GOLGA8H: variants seen among roughly 807,000 people sequenced by gnomAD.
The protein encoded by GOLGA8H is golgin A8 family member H.
In GOLGA8H, 47 loss-of-function variants were observed where a neutral mutation model predicts 82.7. That is an observed-to-expected ratio of 0.57 (90% confidence interval 0.45 to 0.73). The LOEUF is 0.73. Among genes scored for constraint, GOLGA8H ranks in the 30% least tolerant of loss-of-function variants. The probability of loss-of-function intolerance (pLI) is 0.00; values close to 1 mark genes in which losing one functional copy is unlikely to be tolerated. For missense variants in GOLGA8H, 372 were observed against 661.0 expected, an observed-to-expected ratio of 0.56 and a Z score of 4.79; for synonymous variants, 108 against 241.6, an observed-to-expected ratio of 0.45 and a Z score of 5.13.
chr15:30,604,675 CGACTTGGACATGGTGCT>C (rs1567479782), intron 1 of GOLGA8H, among the ~76,000 whole-genome samples: 1 of 57,286 alleles, frequency 1.7e-5, no homozygotes, highest in Non-Finnish European at 3.5e-5. Context: ...CGTGGAGCAG[CGACTTGGACATGGTGCT>C]GACATGGTCC....
rs1379098783 is a variant in GOLGA8H at position 30,604,188 on chromosome 15, G to A, written c.48+15G>A. On this transcript the variant is annotated intron_variant, in intron 1 of 18. Transcript: ENST00000566740. ...CCAAGAAAAAGGTAAAAACGCACTA[G>A]GTCATAGACCCTCAACCCAGCCACA... The A allele has an allele frequency of 2.5e-6, 3 of 1,212,150 alleles. No individual in the cohort carries two copies. Among genetic ancestry groups the A allele is most frequent in the South Asian group, 2.6e-5 (2 of 76,582 alleles). The allele number at this position is 1,212,150 out of a possible 1,614,324, so 75.1% of individuals were successfully genotyped here. A position where few individuals can be genotyped will look rare whatever the true frequency, so the allele number is the denominator to read the frequency against.
At position 30,609,893 on chromosome 15, in the gene GOLGA8H, G is replaced by A. The variant is rs760568168; in HGVS notation, c.678+1G>A. The stretch of plus-strand genomic sequence containing the variant: ...ACTACTGAAAGTGCAGCTGACACAG[G>A]TGAGGTTTTCTGAGGGAGTTATGTG... On this transcript the variant is annotated splice_donor_variant, in intron 9 of 18. Coordinates refer to ENST00000566740, the MANE Select transcript of GOLGA8H (RefSeq NM_001282490.2). LOFTEE classifies it high-confidence loss of function. The A allele has an allele frequency of 1.7e-5, 27 of 1,587,706 alleles. 2 individuals carry two copies. Among genetic ancestry groups the A allele is most frequent in the Admixed American group, 1.2e-4 (7 of 59,378 alleles).
At position 30,608,567 on chromosome 15, in the gene GOLGA8H, C is replaced by G. The variant is rs1173290847; in HGVS notation, c.481+16C>G. ...TACTTTGAAGGTGGGAATCTGGGCA[C>G]CCTGTCATCCTTCAACCTGGCACTT... On this transcript the variant is annotated intron_variant, in intron 7 of 18. Coordinates refer to ENST00000566740, the MANE Select transcript of GOLGA8H (RefSeq NM_001282490.2). 1 of 1,607,800 alleles carries G rather than the reference C, an allele frequency of 6.2e-7. No individual in the cohort carries two copies. Among genetic ancestry groups the G allele is most frequent in the Non-Finnish European group, 8.5e-7 (1 of 1,178,266 alleles).
In GOLGA8H at chr15:30,605,950, G is replaced by A. The variant is rs765754824; in HGVS notation, c.156G>A (p.Gln52=). The change falls in exon 2 of 19, where the codon CAG becomes CAA. Residue 52 remains glutamine, a synonymous_variant. Transcript: ENST00000566740. ...VPEKATSGGC[Q]PPGDSATGFH... is the part of the protein sequence containing the mutation. ...AGAAAGCCACTTCTGGTGGTTGCCA[G>A]CCACCTGGGGATGTGAGTCTTGGCT... 7 of 1,596,388 alleles carry A rather than the reference G, an allele frequency of 4.4e-6. No individual in the cohort carries two copies. In the African/African-American group the frequency reaches 5.4e-5, roughly 12 times the overall value.
chr15:30,610,109 G>A lies in GOLGA8H; in HGVS notation c.786+3G>A, dbSNP rs764497480. On this transcript the variant is annotated splice_donor_region_variant and intron_variant, in intron 10 of 18. Coordinates refer to ENST00000566740, the MANE Select transcript of GOLGA8H (RefSeq NM_001282490.2). ...GGATGAGAAAAATGTCGCAGGAGGTGAGATCTCACCCTTCAGCCCCCCCAC... is the reference window on the plus strand; with the variant it reads ...GGATGAGAAAAATGTCGCAGGAGGTAAGATCTCACCCTTCAGCCCCCCCAC... 1.9e-6 allele frequency: 3 copies of A among 1,610,814 alleles called. No individual in the cohort carries two copies. The highest frequency in any genetic ancestry group is 2.2e-5 in the East Asian group (1 of 44,766).
chr15:30,610,641 T>G, intron 11 of GOLGA8H, 125 bp from the exon 12 acceptor site: 1 of 1,395,598 alleles, frequency 7.2e-7, no homozygotes, highest in Non-Finnish European at 9.7e-7. Context: ...CTGGCTACCA[T>G]CTGGGTGCGA....
chr15:30,611,481 C>G, intron 13 of GOLGA8H, 135 bp downstream of exon 13: 5 of 1,533,374 alleles, frequency 3.3e-6, no homozygotes, highest in Non-Finnish European at 4.4e-6. Context: ...GCAGGGCAGT[C>G]CTGTGACTGT....
At position 30,607,693 on chromosome 15, in the gene GOLGA8H, A is replaced by G. The variant is rs527764816; in HGVS notation, c.310-337A>G. 1.2e-4 allele frequency: 66 copies of G among 571,194 alleles called. No individual in the cohort carries two copies. In the East Asian group the frequency reaches 1.7e-3, roughly 15 times the overall value. 35.4% of individuals were successfully genotyped at this position (571,194 alleles called of 1,614,324 possible). ...GTAAAGAACCGTACCTGGTCCATAC[A>G]TGCTCAGTAAATGTTTATTGAATGA... On this transcript the variant is annotated intron_variant, in intron 4 of 18. Transcript: ENST00000566740.
At chr15:30,609,754 G>A in intron 8 of GOLGA8H, 52 bp from the exon 9 acceptor site, 2 of 1,569,124 alleles carry the variant, frequency 1.3e-6, no homozygotes, top group East Asian at 2.3e-5. Flanking sequence ...GGGGCACTGT[G>A]TGGAAATGCC....
chr15:30,615,401 G>C lies in GOLGA8H; in HGVS notation c.*840G>C, dbSNP rs931885291. ...AAGGGCTTATTTCTGAGGAATGAAA[G>C]GTTCCCATCATTGACTGTGGATGTG... On this transcript the variant is annotated 3_prime_UTR_variant, in exon 19 of 19. Transcript: ENST00000566740. 6.6e-6 allele frequency among the ~76,000 whole-genome samples: 1 copy of C among 151,954 alleles called. No individual in the cohort carries two copies. Among genetic ancestry groups the C allele is most frequent in the Non-Finnish European group, 1.5e-5 (1 of 67,956 alleles).
Position 30,614,241 on chromosome 15 carries a change from GATGAGCCCGGTCCA to G in GOLGA8H, c.1664_1677del (p.Asp555GlyfsTer16). 2 of 1,528,678 alleles carry G rather than the reference GATGAGCCCGGTCCA, an allele frequency of 1.3e-6. No homozygotes were observed. Among genetic ancestry groups the G allele is most frequent in the African/African-American group, 2.8e-5 (2 of 72,496 alleles). 94.7% of individuals were successfully genotyped at this position (1,528,678 alleles called of 1,614,324 possible). On this transcript the variant is annotated frameshift_variant, in exon 18 of 19. Coordinates refer to ENST00000566740, the MANE Select transcript of GOLGA8H (RefSeq NM_001282490.2). LOFTEE classifies it high-confidence loss of function. ...CCTGGCCGCTGCCCACAACTCTGCT[GATGAGCCCGGTCCA>G]GGAGCCCCAGCCCCCCAGGAGCTTG...
Position 30,610,132 on chromosome 15 carries a change from C to G in GOLGA8H, c.786+26C>G, listed in dbSNP as rs770878001. ...GTGAGATCTCACCCTTCAGCCCCCC[C>G]ACATTAGATAGGTCACTGGATCTTT... On this transcript the variant is annotated intron_variant, in intron 10 of 18. Coordinates refer to ENST00000566740, the MANE Select transcript of GOLGA8H (RefSeq NM_001282490.2). 163 of 1,499,430 alleles carry G rather than the reference C, an allele frequency of 1.1e-4. 1 individual carries two copies. Among genetic ancestry groups the G allele is most frequent in the Non-Finnish European group, 1.5e-4 (158 of 1,084,046 alleles). The allele number at this position is 1,499,430 out of a possible 1,614,324, so 92.9% of individuals were successfully genotyped here.
chr15:30,605,172 AC>A (rs1228884976), intron 1 of GOLGA8H, among the ~76,000 whole-genome samples: 2 of 135,848 alleles, frequency 1.5e-5, no homozygotes, highest in African/African-American at 5.7e-5. Context: ...ATCTTGGGAA[AC>A]TGAACTTGAC....
Position 30,615,458 on chromosome 15 carries a change from C to G in GOLGA8H, c.*897C>G, listed in dbSNP as rs1295380117. Reference sequence around the variant, plus strand: ...CTTTCCTAGCTTAGAGCATTTGTATCTACAATACATTTTAAAGTCAGAGTT... The same window carrying G: ...CTTTCCTAGCTTAGAGCATTTGTATGTACAATACATTTTAAAGTCAGAGTT... On this transcript the variant is annotated 3_prime_UTR_variant, in exon 19 of 19. Coordinates refer to ENST00000566740, the MANE Select transcript of GOLGA8H (RefSeq NM_001282490.2). Among the ~76,000 whole-genome samples, 2 of 151,730 alleles carry G rather than the reference C, an allele frequency of 1.3e-5. No homozygotes were observed. Among genetic ancestry groups the G allele is most frequent in the Admixed American group, 1.3e-4 (2 of 15,212 alleles).
Position 30,608,475 on chromosome 15 carries a change from C to G in GOLGA8H, c.405C>G (p.Ile135Met), listed in dbSNP as rs548314086. 2.1e-4 allele frequency: 344 copies of G among 1,610,436 alleles called. 6 individuals are homozygous for G. In the South Asian group the frequency reaches 2.7e-3, roughly 13 times the overall value. ...QKAKRVLEVQ[I>M]QTLNIQKGKL... ...TGGCTTTTCTCCCAAAGGTTCAAAT[C>G]CAGACATTGAACATACAGAAAGGGA... The change falls in exon 7 of 19, where the codon ATC (isoleucine) becomes ATG (methionine). Residue 135 changes from isoleucine to methionine, a missense_variant. Ile to Met is a conservative substitution (Grantham distance 10). Coordinates refer to ENST00000566740, the MANE Select transcript of GOLGA8H (RefSeq NM_001282490.2).
At chr15:30,606,017 G>A in intron 2 of GOLGA8H, 55 bp downstream of exon 2, 2 of 1,560,742 alleles carry the variant, frequency 1.3e-6, no homozygotes, top group South Asian at 2.3e-5. Context: ...GGCAATAGAG[G>A]GTAATTCTTA....
chr15:30,612,010 C>T lies in GOLGA8H; in HGVS notation c.1201-587C>T, dbSNP rs1391374971. ...TCAAGTACTTTGCATCTCTAAGTCTCTGTTTCTTTAACTTCAAAGGGAAGT... is the reference window on the plus strand; with the variant it reads ...TCAAGTACTTTGCATCTCTAAGTCTTTGTTTCTTTAACTTCAAAGGGAAGT... On this transcript the variant is annotated intron_variant, in intron 13 of 18. Transcript: ENST00000566740. Among the ~76,000 whole-genome samples the T allele has an allele frequency of 2.2e-5, 2 of 89,188 alleles. 1 individual carries two copies. Among genetic ancestry groups the T allele is most frequent in the Non-Finnish European group, 4.4e-5 (2 of 45,314 alleles). 58.5% of individuals were successfully genotyped at this position (89,188 alleles called of 152,430 possible). A position where few individuals can be genotyped will look rare whatever the true frequency, so the allele number is the denominator to read the frequency against.
intron 2 of GOLGA8H, among the ~76,000 whole-genome samples, 176 bp downstream of exon 2, chr15:30,606,138 A>G (rs2059920705): frequency 6.6e-6 from 1 of 151,632 alleles, no homozygotes; most frequent in Non-Finnish European, 1.5e-5. Flanking sequence ...GCGGATCATG[A>G]GGTCAGGCGA....
At position 30,613,385 on chromosome 15, in the gene GOLGA8H, G is replaced by A. The variant is rs1294165702; in HGVS notation, c.1368+190G>A. On this transcript the variant is annotated intron_variant, in intron 15 of 18. Transcript: ENST00000566740. ...CTGAGGCTCCAAGGGAAGGGGCTGC[G>A]CTCCACCTCTCTGCCCCATTTCTTC... Among the ~76,000 whole-genome samples, 16 of 93,118 alleles carry A rather than the reference G, an allele frequency of 1.7e-4. 1 individual carries two copies. Among genetic ancestry groups the A allele is most frequent in the Admixed American group, 1.1e-3 (11 of 10,316 alleles). The allele number at this position is 93,118 out of a possible 152,430, so 61.1% of individuals were successfully genotyped here.
Sources: gnomAD v4.1 joint callset for allele counts (sites outside exome capture counted in the v4.1 genomes callset) on GRCh38, gnomAD v4.1.1 for gene constraint, MANE v1.5 for transcripts, NCBI Gene and HGNC (gene_info 2026-07-23, HGNC 2026-07-21) for gene names.